The following PRR36 variants were observed in gnomAD, a reference collection of about 807,000 sequenced individuals.
PRR36 encodes proline rich 36, also known as proline-rich protein 36.
In PRR36, 30 loss-of-function variants were observed where a neutral mutation model predicts 58.6. That is an observed-to-expected ratio of 0.51 (90% CI 0.38 to 0.69). The LOEUF (loss-of-function observed/expected upper bound fraction) is 0.69, where lower values mean the gene tolerates loss of function less well. Among genes scored for constraint, PRR36 ranks in the 30% least tolerant of loss-of-function variants. The pLI, the probability that PRR36 is intolerant of heterozygous loss-of-function variation, is 0.00. For missense variants in PRR36, 1,692 were observed against 1,805.6 expected (o/e 0.94, Z 1.14); for synonymous variants, 771 against 829.3 (o/e 0.93, Z 1.21).
Position 7,869,902 on chromosome 19 carries a change from C to G in PRR36, c.3342G>C (p.Leu1114=), listed in dbSNP as rs1374843911. ...TGTGGCCGGCCAGGTCTGGGCCGCT[C>G]AGCGTGCTGGACGGGCTGCGCGAGG... ...PPPSRSPSST[L]SGPDLAGHSS... The change falls in exon 5 of 6, where the codon CTG becomes CTC. Residue 1114 remains leucine, a synonymous_variant. Coordinates refer to ENST00000618550, the MANE Select transcript of PRR36 (RefSeq NM_001190467.2). 7.3e-7 allele frequency: 1 copy of G among 1,361,108 alleles called. No individual in the cohort carries two copies. Among genetic ancestry groups the G allele is most frequent in the African/African-American group, 1.5e-5 (1 of 64,908 alleles). The allele number at this position is 1,361,108 out of a possible 1,614,324, so 84.3% of individuals were successfully genotyped here. A position where few individuals can be genotyped will look rare whatever the true frequency, so the allele number is the denominator to read the frequency against.
Position 7,873,259 on chromosome 19 carries a change from A to C in PRR36, c.312T>G (p.Pro104=). The C allele has an allele frequency of 7.2e-6, 11 of 1,535,864 alleles. No individual in the cohort carries two copies. Among genetic ancestry groups the C allele is most frequent in the Non-Finnish European group, 9.6e-6 (11 of 1,146,820 alleles). ...GGCCTGGGCTGGTGTTCTTGGCAGG[A>C]GGAGCTCTCTCCCCTCTCCCAGAGG... ...PPASGRGERA[P]PAKNTSPGPV... is the part of the protein sequence containing the mutation. The change falls in exon 3 of 6, where the codon CCT becomes CCG. Residue 104 remains proline (P), a synonymous_variant. Transcript: ENST00000618550. The surrounding 1 kb of genome is among the most constrained non-coding windows in gnomAD (Gnocchi z 5.0).
Position 7,869,703 on chromosome 19 carries a change from G to A in PRR36, c.3529+12C>T, listed in dbSNP as rs1293977630. On this transcript the variant is annotated intron_variant, in intron 5 of 5. Coordinates refer to ENST00000618550, the MANE Select transcript of PRR36 (RefSeq NM_001190467.2). The stretch of plus-strand genomic sequence containing the variant: ...CCGCCCACAGCCAGGCCGGGTCTGG[G>A]GTGCCCCTTACCTGGGGCTCCGCGG... 7.4e-7 allele frequency: 1 copy of A among 1,355,160 alleles called. No individual in the cohort carries two copies. Among genetic ancestry groups the A allele is most frequent in the African/African-American group, 1.5e-5 (1 of 65,128 alleles). 83.9% of individuals were successfully genotyped at this position (1,355,160 alleles called of 1,614,324 possible). A position where few individuals can be genotyped will look rare whatever the true frequency, so the allele number is the denominator to read the frequency against.
Position 7,874,067 on chromosome 19 carries a change from C to A in PRR36, c.-8+219G>T, listed in dbSNP as rs571697758. Reference sequence around the variant, plus strand: ...GGACTGCCACGGGCTCAGGATGTCGCATCCCTCCAGACCCGGAGCGCACGC... The same window carrying A: ...GGACTGCCACGGGCTCAGGATGTCGAATCCCTCCAGACCCGGAGCGCACGC... On this transcript the variant is annotated intron_variant, in intron 1 of 5. Transcript: ENST00000618550. This position sits in a 1 kb window ranked among gnomAD's most constrained non-coding sequence, Gnocchi z 6.0. Among the ~76,000 whole-genome samples the A allele has an allele frequency of 3.3e-5, 5 of 152,302 alleles. No homozygotes were observed. The highest frequency in any genetic ancestry group is 5.9e-5 in the Non-Finnish European group (4 of 68,010).
chr19:7,870,538 AGGGG>A lies in PRR36; in HGVS notation c.2702_2705del (p.Pro901LeufsTer20). The A allele has an allele frequency of 3.3e-6, 1 of 301,294 alleles. No individual in the cohort carries two copies. Among genetic ancestry groups the A allele is most frequent in the Non-Finnish European group, 4.0e-6 (1 of 248,716 alleles). 18.7% of individuals were successfully genotyped at this position (301,294 alleles called of 1,614,324 possible). On this transcript the variant is annotated frameshift_variant, in exon 5 of 6. Transcript: ENST00000618550. LOFTEE classifies it high-confidence loss of function. The stretch of plus-strand genomic sequence containing the variant: ...CCGAAGGAGACACTGGGGGTGAGGC[AGGGG>A]GAGAGAAAGGGGCCTGCACTGGGGG...
Position 7,874,166 on chromosome 19 carries a change from A to T in PRR36, c.-8+120T>A. 6.4e-6 allele frequency: 1 copy of T among 156,104 alleles called. No individual in the cohort carries two copies. The highest frequency in any genetic ancestry group is 1.4e-5 in the Non-Finnish European group (1 of 70,748). The allele number at this position is 156,104 out of a possible 1,614,324, so 9.7% of individuals were successfully genotyped here. ...GATGCCTGCACCTGCCGGGAGGCAG[A>T]GCGGCCCCGCTGCCCGCGAACGGGC... On this transcript the variant is annotated intron_variant, in intron 1 of 5. Coordinates refer to ENST00000618550, the MANE Select transcript of PRR36 (RefSeq NM_001190467.2). This position sits in a 1 kb window ranked among gnomAD's most constrained non-coding sequence, Gnocchi z 6.0.
rs1246946340 is a variant in PRR36, at chr19:7,870,382, C to G, written c.2862G>C (p.Ala954=). 1.9e-6 allele frequency: 1 copy of G among 519,700 alleles called. No individual in the cohort carries two copies. 32.2% of individuals were successfully genotyped at this position (519,700 alleles called of 1,614,324 possible). The part of the protein sequence containing the change: ...PPPQAPPPLA[A]PPLQVPPSPP... ...GAGAGGGTGGGACCTGCAGAGGAGG[C>G]GCAGCGAGAGGGGGTGGGGCCTGTG... The change falls in exon 5 of 6, where the codon GCG becomes GCC. Residue 954 remains alanine (A), a synonymous_variant. Transcript: ENST00000618550.
Position 7,869,858 on chromosome 19 carries a change from G to T in PRR36, c.3386C>A (p.Thr1129Lys). The change falls in exon 5 of 6, where the codon ACG becomes AAG. Residue 1129 changes from threonine (T) to lysine (K), a missense_variant. This residue lies in a region of PRR36 where 485 missense variants were observed against 549.2 expected (regional missense o/e 0.88). Transcript: ENST00000618550. ...LAGHSSSATS[T>K]PEELRGYDSG... Reference sequence around the variant, plus strand: ...GTCGTAGCCACGCAGCTCCTCTGGCGTGCTCGTGGCGCTGCTGCTGTGGCC... The same window carrying T: ...GTCGTAGCCACGCAGCTCCTCTGGCTTGCTCGTGGCGCTGCTGCTGTGGCC... 1 of 1,339,548 alleles carries T rather than the reference G, an allele frequency of 7.5e-7. No individual in the cohort carries two copies. Among genetic ancestry groups the T allele is most frequent in the Non-Finnish European group, 9.5e-7 (1 of 1,051,734 alleles). The allele number at this position is 1,339,548 out of a possible 1,614,324, so 83.0% of individuals were successfully genotyped here. A position where few individuals can be genotyped will look rare whatever the true frequency, so the allele number is the denominator to read the frequency against.
intron 5 of PRR36, 71 bp from the exon 6 acceptor site, chr19:7,869,615 T>C: frequency 6.8e-7 from 1 of 1,477,488 alleles, no homozygotes; most frequent in Non-Finnish European, 8.9e-7. Flanking sequence ...CCCGCCTCCT[T>C]GTCTAAGCTC....
Position 7,872,230 on chromosome 19 carries a change from C to A in PRR36, c.1014G>T (p.Thr338=), listed in dbSNP as rs964457684. 18 of 1,453,796 alleles carry A rather than the reference C, an allele frequency of 1.2e-5. No homozygotes were observed. The African/African-American group carries it at 2.4e-4, about 20-fold the overall frequency. 90.1% of individuals were successfully genotyped at this position (1,453,796 alleles called of 1,614,324 possible). A position where few individuals can be genotyped will look rare whatever the true frequency, so the allele number is the denominator to read the frequency against. Residue 338 remains threonine, a synonymous_variant, in exon 5 of 6, where the codon ACG becomes ACT. Coordinates refer to ENST00000618550, the MANE Select transcript of PRR36 (RefSeq NM_001190467.2). The surrounding 1 kb of genome is among the most constrained non-coding windows in gnomAD (Gnocchi z 6.1). ...PATLPPSPPV[T]PPPPAALQSQ... is the part of the protein sequence containing the mutation. ...TTTGGAGAGCGGCTGGCGGAGGGGG[C>A]GTTACCGGTGGAGAGGGAGGGAGCG... is the stretch of plus-strand genomic sequence containing the variant.
In PRR36 at chr19:7,874,372, G is replaced by A. The variant is rs1655154185; in HGVS notation, c.-94C>T. 6.6e-6 allele frequency: 1 copy of A among 150,806 alleles called. No individual in the cohort carries two copies. The highest frequency in any genetic ancestry group is 2.4e-5 in the African/African-American group (1 of 41,294). The allele number at this position is 150,806 out of a possible 1,614,324, so 9.3% of individuals were successfully genotyped here. On this transcript the variant is annotated 5_prime_UTR_variant, in exon 1 of 6. Transcript: ENST00000618550. This position sits in a 1 kb window ranked among gnomAD's most constrained non-coding sequence, Gnocchi z 6.0. ...CGACGCGGTGGCCGCCAGCGGCGAG[G>A]AGGCGAGGGGAGGGGGCTGCGGGCT...
Position 7,872,490 on chromosome 19 carries a change from GGGA to G in PRR36, c.751_753del (p.Ser251del). ...CGGGCTGAGGGCCCAGAACGGGCTG[GGGA>G]GGAGAGAGGGGTGGCGCTGGAGCTC... On this transcript the variant is annotated inframe_deletion, in exon 5 of 6. Coordinates refer to ENST00000618550, the MANE Select transcript of PRR36 (RefSeq NM_001190467.2). The surrounding 1 kb of genome is among the most constrained non-coding windows in gnomAD (Gnocchi z 6.1). 1 of 1,487,486 alleles carries G rather than the reference GGGA, an allele frequency of 6.7e-7. No individual in the cohort carries two copies. The highest frequency in any genetic ancestry group is 8.9e-7 in the Non-Finnish European group (1 of 1,125,556). The allele number at this position is 1,487,486 out of a possible 1,614,324, so 92.1% of individuals were successfully genotyped here. A position where few individuals can be genotyped will look rare whatever the true frequency, so the allele number is the denominator to read the frequency against.
chr19:7,871,817 T>C lies in PRR36; in HGVS notation c.1427A>G (p.Asn476Ser). 6.5e-7 allele frequency: 1 copy of C among 1,535,170 alleles called. No individual in the cohort carries two copies. Among genetic ancestry groups the C allele is most frequent in the South Asian group, 1.2e-5 (1 of 84,020 alleles). Residue 476 changes from asparagine to serine, a missense_variant, in exon 5 of 6, where the codon AAT becomes AGT. Transcript: ENST00000618550. ...GPVSPATSLG[N>S]SAFPLAALPQ... ...GAGTGCGGCCAGGGGAAAAGCCGAA[T>C]TCCCCAGAGATGTTGCCGGAGAAAC...
Position 7,872,474 on chromosome 19 carries a change from G to A in PRR36, c.770C>T (p.Pro257Leu). The change falls in exon 5 of 6, where the codon CCC becomes CTC. Residue 257 changes from proline to leucine, a missense_variant. Around this residue, in one of 5 missense-constraint regions of PRR36, gnomAD observed 975 missense variants for 955.2 expected, o/e 1.02. Transcript: ENST00000618550. The surrounding 1 kb of genome is among the most constrained non-coding windows in gnomAD (Gnocchi z 6.1). The part of the protein sequence containing the change: ...TPLSSPARSG[P>L]SARGTPRAPA... ...AGCCCTGGGTGTTCCGCGGGCTGAG[G>A]GCCCAGAACGGGCTGGGGAGGAGAG... 2 of 1,466,224 alleles carry A rather than the reference G, an allele frequency of 1.4e-6. No homozygotes were observed. Among genetic ancestry groups the A allele is most frequent in the Non-Finnish European group, 1.8e-6 (2 of 1,116,490 alleles). 90.8% of individuals were successfully genotyped at this position (1,466,224 alleles called of 1,614,324 possible).
chr19:7,872,045 G>A lies in PRR36; in HGVS notation c.1199C>T (p.Thr400Ile), dbSNP rs1980477999. ...PATPPSQVPP[T>I]QLIMSFPEAG... ...TTCTGGAAAGGACATAATCAGCTGT[G>A]TGGGTGGAACTTGCGAGGGGGGCGT... The change falls in exon 5 of 6, where the codon ACA becomes ATA. Residue 400 changes from threonine (T) to isoleucine (I), a missense_variant. Transcript: ENST00000618550. The surrounding 1 kb of genome is among the most constrained non-coding windows in gnomAD (Gnocchi z 6.1). The A allele has an allele frequency of 6.5e-7, 1 of 1,535,674 alleles. No individual in the cohort carries two copies. Among genetic ancestry groups the A allele is most frequent in the African/African-American group, 1.4e-5 (1 of 72,958 alleles).
Position 7,869,349 on chromosome 19 carries a change from G to T in PRR36, c.3725C>A (p.Ala1242Glu). 1.4e-6 allele frequency: 2 copies of T among 1,428,560 alleles called. No individual in the cohort carries two copies. Among genetic ancestry groups the T allele is most frequent in the East Asian group, 3.0e-5 (1 of 33,458 alleles). The allele number at this position is 1,428,560 out of a possible 1,614,324, so 88.5% of individuals were successfully genotyped here. ...AGASSRSPKQ[A>E]RLGELPLGAL... is the part of the protein sequence containing the mutation. The stretch of plus-strand genomic sequence containing the variant: ...CCCCAGTGGCAGCTCGCCCAGGCGC[G>T]CCTGCTTCGGGCTCCGCGAGGACGC... Residue 1242 changes from alanine (A) to glutamate (E), a missense_variant, in exon 6 of 6, where the codon GCG (alanine) becomes GAG (glutamate). Transcript: ENST00000618550.
Position 7,869,544 on chromosome 19 carries a change from C to A in PRR36, c.3530G>T (p.Gly1177Val). Residue 1177 changes from glycine (G) to valine (V), a missense_variant and splice_region_variant, in exon 6 of 6, where the codon GGT becomes GTT. Physicochemically the swap from Gly to Val is moderately radical, Grantham distance 109 (BLOSUM62 -3). This residue lies in a region of PRR36 where 485 missense variants were observed against 549.2 expected (regional missense o/e 0.88). Coordinates refer to ENST00000618550, the MANE Select transcript of PRR36 (RefSeq NM_001190467.2). ...AGCGGGAGGCCACGGCAGGGGCGCA[C>A]CTGCGGGGAGAGACGCCAGGTGGGC... ...APPLAFRGAP[G>V]APLPWPPATG... 6.6e-7 allele frequency: 1 copy of A among 1,517,372 alleles called. No homozygotes were observed. Among genetic ancestry groups the A allele is most frequent in the African/African-American group, 1.4e-5 (1 of 70,228 alleles). The allele number at this position is 1,517,372 out of a possible 1,614,324, so 94.0% of individuals were successfully genotyped here. A position where few individuals can be genotyped will look rare whatever the true frequency, so the allele number is the denominator to read the frequency against.
Position 7,870,650 on chromosome 19 carries a change from G to A in PRR36, c.2594C>T (p.Ser865Phe). ...CTGTGGAGAGGGTGTGGCCAAAGGA[G>A]ACAGAGGGGGTGAGGCAGGGGGAGA... Reference protein sequence around the residue: ...PPSPPASPPLSPLATPSPQAP... With the variant: ...PPSPPASPPLFPLATPSPQAP... The change falls in exon 5 of 6, where the codon TCT becomes TTT. Residue 865 changes from serine to phenylalanine, a missense_variant. Physicochemically the swap from Ser to Phe is radical, Grantham distance 155. Transcript: ENST00000618550. 1 of 1,253,120 alleles carries A rather than the reference G, an allele frequency of 8.0e-7. No individual in the cohort carries two copies. Among genetic ancestry groups the A allele is most frequent in the Non-Finnish European group, 1.0e-6 (1 of 987,910 alleles). 77.6% of individuals were successfully genotyped at this position (1,253,120 alleles called of 1,614,324 possible). A position where few individuals can be genotyped will look rare whatever the true frequency, so the allele number is the denominator to read the frequency against.
In PRR36 at chr19:7,868,965, A is replaced by T; in HGVS notation, c.*68T>A. The T allele has an allele frequency of 6.9e-7, 1 of 1,442,092 alleles. No homozygotes were observed. The allele number at this position is 1,442,092 out of a possible 1,614,324, so 89.3% of individuals were successfully genotyped here. On this transcript the variant is annotated 3_prime_UTR_variant, in exon 6 of 6. Coordinates refer to ENST00000618550, the MANE Select transcript of PRR36 (RefSeq NM_001190467.2). ...GGCAGTGGAGGCGGGGTCTAAAACAAACGGCGTACCCGGAGGGGCGGATCC... is the reference window on the plus strand; with the variant it reads ...GGCAGTGGAGGCGGGGTCTAAAACATACGGCGTACCCGGAGGGGCGGATCC...
Position 7,873,525 on chromosome 19 carries a change from TC to T in PRR36, c.164del (p.Arg55GlnfsTer155). The stretch of plus-strand genomic sequence containing the variant: ...CCCCCGCTCGCTCTGCCAGAGGCTT[TC>T]GCCCCACTGCTCCCGCAGCTCCCAG... The part of the protein sequence containing the change: ...RVLGAAGAVG[R>X]KPLAERAGGI... On this transcript the variant is annotated frameshift_variant, in exon 2 of 6. Coordinates refer to ENST00000618550, the MANE Select transcript of PRR36 (RefSeq NM_001190467.2). LOFTEE classifies it high-confidence loss of function. This position sits in a 1 kb window ranked among gnomAD's most constrained non-coding sequence, Gnocchi z 5.0. 1 of 1,535,224 alleles carries T rather than the reference TC, an allele frequency of 6.5e-7. No individual in the cohort carries two copies.
Sources: allele counts gnomAD v4.1 joint callset (sites outside exome capture counted in the v4.1 genomes callset), GRCh38; gene constraint gnomAD v4.1.1; regional missense constraint gnomAD v4.1.1; non-coding constraint Gnocchi (gnomAD v3.1); transcripts MANE v1.5; gene names NCBI Gene and HGNC (gene_info 2026-07-23, HGNC 2026-07-21).